The following WDR4 variants were observed in gnomAD, a reference collection of about 807,000 sequenced individuals.
The protein encoded by WDR4 is tRNA (guanine-N(7)-)-methyltransferase non-catalytic subunit WDR4.
In WDR4, 47 loss-of-function variants were observed where a neutral mutation model predicts 48.6. The observed-to-expected ratio is 0.97, with a 90% CI of 0.77 to 1.23. The LOEUF is 1.23. WDR4 is among the 50% of genes most tolerant of loss of function. The probability of loss-of-function intolerance (pLI) is 0.00; values close to 1 mark genes in which losing one functional copy is unlikely to be tolerated. For synonymous variants in WDR4, 268 were observed against 230.0 expected (o/e 1.17, Z -1.49); for missense variants, 606 against 551.6 (o/e 1.10, Z -0.99).
rs758105767 is a variant in WDR4, at chr21:42,873,557, C to T, written c.290G>A (p.Ser97Asn). 11 of 1,614,088 alleles carry T rather than the reference C, an allele frequency of 6.8e-6. No homozygotes were observed. The highest frequency in any genetic ancestry group is 2.2e-5 in the East Asian group (1 of 44,892). Residue 97 changes from serine to asparagine, a missense_variant, in exon 3 of 11, where the codon AGT becomes AAT. Coordinates refer to ENST00000398208, the MANE Select transcript of WDR4 (RefSeq NM_018669.6). ...LFRTKPWQCL[S>N]VRTVARRCTA... is the part of the protein sequence containing the mutation. Reference sequence around the variant, plus strand: ...CAGCGTTAGCATCTCATACCTGACACTCAGACATTGCCATGGTTTTGTACG... The same window carrying T: ...CAGCGTTAGCATCTCATACCTGACATTCAGACATTGCCATGGTTTTGTACG...
chr21:42,891,849 C>T, the WDR4 span, among the ~76,000 whole-genome samples: 4 of 151,698 alleles, frequency 2.6e-5, no homozygotes, highest in African/African-American at 9.7e-5. Context: ...CCCAGCTACT[C>T]AGGAGGCTGA....
chr21:42,882,836 C>T (rs556911665), upstream of WDR4, among the ~76,000 whole-genome samples: 7 of 152,212 alleles, frequency 4.6e-5, no homozygotes, highest in African/African-American at 9.6e-5. Flanking sequence ...CAGTGGCTAA[C>T]GCCTGTAATC....
intron 11 of WDR4, among the ~76,000 whole-genome samples, chr21:42,843,662 C>G (rs2057685811): frequency 1.3e-5 from 2 of 152,046 alleles, no homozygotes; most frequent in Non-Finnish European, 2.9e-5. Context: ...CAACCTCCGC[C>G]TCCCAGGTTC....
chr21:42,859,590 A>G (rs553380784), intron 6 of WDR4, 72 bp downstream of exon 6: 19 of 646,238 alleles, frequency 2.9e-5, no homozygotes, highest in Non-Finnish European at 4.1e-5. Flanking sequence ...GGCCAGGTCC[A>G]GGAGGCGCCC....
intron 3 of WDR4, among the ~76,000 whole-genome samples, chr21:42,869,874 G>A (rs1569331831): frequency 6.6e-6 from 1 of 151,950 alleles, no homozygotes; most frequent in South Asian, 2.1e-4. Context: ...TTAGCCGGTC[G>A]TGGTGGTGCA....
chr21:42,887,826 G>C, the WDR4 span, among the ~76,000 whole-genome samples: 1 of 92,098 alleles, frequency 1.1e-5, no homozygotes, highest in African/African-American at 7.2e-5. Context: ...GCTGAGGCAG[G>C]AGAACTGCTT....
chr21:42,874,699 C>A (rs1384175980), intron 2 of WDR4, among the ~76,000 whole-genome samples: 1 of 151,962 alleles, frequency 6.6e-6, no homozygotes, highest in African/African-American at 2.4e-5. Context: ...CGCTCCCAGG[C>A]TTACTAGGAT....
intron 1 of WDR4, 109 bp downstream of exon 1, chr21:42,879,298 G>T: frequency 1.0e-5 from 15 of 1,461,960 alleles, no homozygotes; most frequent in Non-Finnish European, 1.4e-5. Flanking sequence ...AGTTCCCCGG[G>T]GTCACCCCAG....
rs1330015529 is a variant in WDR4 at position 42,859,636 on chromosome 21, T to C, written c.627+26A>G. 17 of 860,944 alleles carry C rather than the reference T, an allele frequency of 2.0e-5. No homozygotes were observed. The East Asian group carries it at 3.1e-4, about 16-fold the overall frequency. 53.3% of individuals were successfully genotyped at this position (860,944 alleles called of 1,614,324 possible). On this transcript the variant is annotated intron_variant, in intron 6 of 10. Coordinates refer to ENST00000398208, the MANE Select transcript of WDR4 (RefSeq NM_018669.6). ...CCCTGCAGGCTCAAGAATCCAGAGG[T>C]GAGTGACGCTGGGCAGAACACTTAC...
chr21:42,858,395 A>G lies in WDR4; in HGVS notation c.627+1267T>C, dbSNP rs1224560993. 2.6e-5 allele frequency among the ~76,000 whole-genome samples: 4 copies of G among 152,332 alleles called. No individual in the cohort carries two copies. The East Asian group carries it at 7.7e-4, about 29-fold the overall frequency. On this transcript the variant is annotated intron_variant, in intron 6 of 10. Coordinates refer to ENST00000398208, the MANE Select transcript of WDR4 (RefSeq NM_018669.6). Reference sequence around the variant, plus strand: ...CTACAGGAAGCGCGCGGGAAAACCCACAGGAGCAACCAGCTGGAGAGCACA... The same window carrying G: ...CTACAGGAAGCGCGCGGGAAAACCCGCAGGAGCAACCAGCTGGAGAGCACA...
At chr21:42,844,177 A>C (rs1209076392) in intron 11 of WDR4, among the ~76,000 whole-genome samples, 1 of 152,226 alleles carries the variant, frequency 6.6e-6, no homozygotes, top group Admixed American at 6.5e-5. Context: ...CCATGAGTCC[A>C]CAGCAAGCAG....
In WDR4 at chr21:42,859,725, G is replaced by A; in HGVS notation, c.567-3C>T. 3.2e-6 allele frequency: 5 copies of A among 1,558,042 alleles called. No individual in the cohort carries two copies. Among genetic ancestry groups the A allele is most frequent in the Non-Finnish European group, 3.5e-6 (4 of 1,150,836 alleles). Reference sequence around the variant, plus strand: ...CCACGGAGATACGGCTCACAAACCTGTGAGGGCGAGAGAGAGCGGCAGAGT... The same window carrying A: ...CCACGGAGATACGGCTCACAAACCTATGAGGGCGAGAGAGAGCGGCAGAGT... On this transcript the variant is annotated splice_region_variant and splice_polypyrimidine_tract_variant and intron_variant, in intron 5 of 10. Transcript: ENST00000398208.
intron 3 of WDR4, among the ~76,000 whole-genome samples, chr21:42,872,605 T>G (rs2058396332): frequency 1.4e-5 from 2 of 142,230 alleles, no homozygotes; most frequent in Non-Finnish European, 3.1e-5. Context: ...AATGAGACCC[T>G]TCTCCAAAAA....
intron 2 of WDR4, among the ~76,000 whole-genome samples, chr21:42,876,308 G>C (rs2058491651): frequency 6.8e-6 from 1 of 146,118 alleles, no homozygotes; most frequent in African/African-American, 2.6e-5. Flanking sequence ...CCGCCTCCCA[G>C]GTTCAAGTGA....
intron 9 of WDR4, among the ~76,000 whole-genome samples, chr21:42,852,561 G>T (rs1019314690): frequency 6.6e-6 from 1 of 152,220 alleles, no homozygotes; most frequent in Non-Finnish European, 1.5e-5. Flanking sequence ...GGTGCGACAG[G>T]CACCCACTGG....
chr21:42,871,930 C>A (rs142190415), intron 3 of WDR4, among the ~76,000 whole-genome samples: 65 of 152,174 alleles, frequency 4.3e-4, no homozygotes, highest in African/African-American at 1.5e-3. Context: ...TTCTTTTTAA[C>A]CTGACTGGAA....
intron 3 of WDR4, among the ~76,000 whole-genome samples, chr21:42,865,871 T>C (rs1437291861): frequency 1.3e-5 from 2 of 152,052 alleles, no homozygotes; most frequent in African/African-American, 4.8e-5. Flanking sequence ...GTCGAGTGGC[T>C]GAGCCCTGAA....
intron 2 of WDR4, among the ~76,000 whole-genome samples, chr21:42,874,058 A>C (rs1168289781): frequency 6.6e-6 from 1 of 152,214 alleles, no homozygotes; most frequent in South Asian, 2.1e-4. Context: ...GCTCAGACCT[A>C]TAATCTCAGC....
At chr21:42,873,845 G>T (rs1284272337) in intron 2 of WDR4, among the ~76,000 whole-genome samples, 154 bp from the exon 3 acceptor site, 1 of 152,126 alleles carries the variant, frequency 6.6e-6, no homozygotes, top group East Asian at 1.9e-4. Context: ...GGGACATGGG[G>T]AAGTTCAAAA....
Sources: gnomAD v4.1 joint callset for allele counts (sites outside exome capture counted in the v4.1 genomes callset) on GRCh38, gnomAD v4.1.1 for gene constraint, MANE v1.5 for transcripts, NCBI Gene and HGNC (gene_info 2026-07-23, HGNC 2026-07-21) for gene names.